Variants in DMD observed in about 807,000 individuals in gnomAD.
The protein encoded by DMD is dystrophin.
In DMD, 63 loss-of-function variants were observed where a neutral mutation model predicts 330.1. That is an observed-to-expected ratio of 0.19 (90% confidence interval 0.16 to 0.24). DMD has a LOEUF of 0.24. Among genes scored for constraint, DMD ranks in the 10% least tolerant of loss-of-function variants. DMD has a pLI of 1.00. For synonymous variants in DMD, 1,223 were observed against 959.8 expected (o/e 1.27, Z -5.07); for missense variants, 3,344 against 2,684.1 (o/e 1.25, Z -5.43).
At position 32,420,654 on chromosome X, in the gene DMD, T is replaced by A. The variant is rs1213077191; in HGVS notation, c.4072-8741A>T. Among the ~76,000 whole-genome samples, 3 of 111,797 alleles carry A rather than the reference T, an allele frequency of 2.7e-5. No homozygotes were observed. In the East Asian group the frequency reaches 8.5e-4, roughly 32 times the overall value. Reference sequence around the variant, plus strand: ...CAGAGTGAAAGAACTTTGGAACTCGTTAGTCCCTCTACTTAGGAATTCAGA... The same window carrying A: ...CAGAGTGAAAGAACTTTGGAACTCGATAGTCCCTCTACTTAGGAATTCAGA... On this transcript the variant is annotated intron_variant, in intron 29 of 78. Transcript: ENST00000357033.
chrX:32,491,306 C>T lies in DMD; in HGVS notation c.2593G>A (p.Ala865Thr). Residue 865 changes from alanine to threonine, a missense_variant, in exon 20 of 79, where the codon GCA becomes ACA. Ala to Thr is a moderately conservative substitution (Grantham distance 58). Transcript: ENST00000357033. Reference protein sequence around the residue: ...IQPTTPSEPTAIKSQLKICKD... With the variant: ...IQPTTPSEPTTIKSQLKICKD... Reference sequence around the variant, plus strand: ...CAAATTTTTAACTGACTTTTAATTGCTGTTGGCTCTGATGGGGTGGTGGGT... The same window carrying T: ...CAAATTTTTAACTGACTTTTAATTGTTGTTGGCTCTGATGGGGTGGTGGGT... 8.3e-7 allele frequency: 1 copy of T among 1,211,349 alleles called. No individual in the cohort carries two copies. Among genetic ancestry groups the T allele is most frequent in the Non-Finnish European group, 1.1e-6 (1 of 895,295 alleles).
intron 44 of DMD, among the ~76,000 whole-genome samples, chrX:32,137,218 T>C (rs186736001): frequency 1.8e-5 from 2 of 111,472 alleles, no homozygotes; most frequent in African/African-American, 6.5e-5. Context: ...CCCACCTGAT[T>C]TGTGTATGCC....
At chrX:31,559,486 C>T (rs2075056799) in intron 55 of DMD, among the ~76,000 whole-genome samples, 1 of 89,306 alleles carries the variant, frequency 1.1e-5, no homozygotes, top group African/African-American at 4.8e-5. Flanking sequence ...ACTAAAAATA[C>T]AAAAATTAGC....
At chrX:31,463,560 T>C (rs920411146) in intron 59 of DMD, among the ~76,000 whole-genome samples, 1 of 112,135 alleles carries the variant, frequency 8.9e-6, no homozygotes, top group Non-Finnish European at 1.9e-5. Flanking sequence ...ATTTCCTGTT[T>C]TACTGAACGG....
intron 1 of DMD, among the ~76,000 whole-genome samples, chrX:33,042,712 A>G (rs2094321619): frequency 8.9e-6 from 1 of 111,950 alleles, no homozygotes; most frequent in Admixed American, 9.5e-5. Context: ...CTGTTGCTCT[A>G]ATTATTTGAG....
chrX:33,016,633 T>C (rs1197243509), intron 2 of DMD, among the ~76,000 whole-genome samples: 7 of 111,662 alleles, frequency 6.3e-5, no homozygotes, highest in African/African-American at 1.9e-4. Flanking sequence ...GCATACTATG[T>C]TGGAAAAAAA....
At chrX:31,134,424 T>TC (rs2034932059) in intron 76 of DMD, among the ~76,000 whole-genome samples, 1 of 8,856 alleles carries the variant, frequency 1.1e-4, no homozygotes, top group Non-Finnish European at 3.3e-4. Context: ...TGTATATCTT[T>TC]TTTTTTTTTT....
Position 32,342,120 on chromosome X carries a change from T to G in DMD, c.5902A>C (p.Arg1968=), listed in dbSNP as rs1455256105. 8.3e-7 allele frequency: 1 copy of G among 1,208,069 alleles called. No homozygotes were observed. The highest frequency in any genetic ancestry group is 1.1e-6 in the Non-Finnish European group (1 of 894,006). ...EIESKFAQFR[R]LNFAQIHTVR... The stretch of plus-strand genomic sequence containing the variant: ...CTCACAATTTGTGCAAAGTTGAGTC[T>G]TCGAAACTGAGCAAATTTGCTCTCA... Residue 1968 remains arginine (R), a synonymous_variant, in exon 41 of 79, where the codon AGA becomes CGA. Coordinates refer to ENST00000357033, the MANE Select transcript of DMD (RefSeq NM_004006.3).
intron 1 of DMD, among the ~76,000 whole-genome samples, chrX:33,247,249 C>T (rs969145577): frequency 4.5e-5 from 5 of 111,265 alleles, no homozygotes; most frequent in African/African-American, 9.8e-5. Context: ...AAATCCTATC[C>T]GTCACATCCA....
At chrX:32,390,884 T>G (rs1386321653) in intron 30 of DMD, among the ~76,000 whole-genome samples, 2 of 111,677 alleles carry the variant, frequency 1.8e-5, no homozygotes, top group East Asian at 5.6e-4. Flanking sequence ...GCTATGAATC[T>G]AAGAAATGGA....
chrX:32,207,410 G>A (rs1410686102), intron 44 of DMD, among the ~76,000 whole-genome samples: 3 of 111,613 alleles, frequency 2.7e-5, no homozygotes, highest in African/African-American at 9.8e-5. Context: ...CTAGTCTCCA[G>A]AACTGTGAGC....
chrX:31,286,753 G>A (rs958944410), intron 62 of DMD, among the ~76,000 whole-genome samples: 16 of 112,053 alleles, frequency 1.4e-4, no homozygotes, highest in Non-Finnish European at 3.0e-4. Context: ...CTTTCTACAC[G>A]TTTTTTCTTT....
At chrX:32,772,121 T>G (rs1269679143) in intron 7 of DMD, among the ~76,000 whole-genome samples, 1 of 112,297 alleles carries the variant, frequency 8.9e-6, no homozygotes, top group Non-Finnish European at 1.9e-5. Context: ...AAATGGTAAA[T>G]CACTAGCTAT....
intron 47 of DMD, among the ~76,000 whole-genome samples, chrX:31,880,208 TAGTA>T (rs748739519): frequency 4.6e-4 from 52 of 111,936 alleles, no homozygotes; most frequent in Non-Finnish European, 8.1e-4. Context: ...AGCATAAAAA[TAGTA>T]AGAAGAACTG....
chrX:32,726,335 A>C (rs938531359), intron 7 of DMD, among the ~76,000 whole-genome samples: 1 of 111,505 alleles, frequency 9.0e-6, no homozygotes, highest in African/African-American at 3.2e-5. Flanking sequence ...ATAGTATTTT[A>C]AAAACACACA....
intron 1 of DMD, among the ~76,000 whole-genome samples, chrX:33,056,939 T>C (rs2094525056): frequency 9.0e-6 from 1 of 111,504 alleles, no homozygotes; most frequent in Admixed American, 9.6e-5. Context: ...ATTTCTTCTT[T>C]CTCGTTCTCT....
intron 44 of DMD, among the ~76,000 whole-genome samples, chrX:32,085,627 T>TAC (rs1557121483): frequency 7.7e-5 from 5 of 64,983 alleles, no homozygotes; most frequent in African/African-American, 2.8e-4. Flanking sequence ...CGTATATATA[T>TAC]ACACATATAT....
At chrX:33,069,759 T>C (rs757894568) in intron 1 of DMD, among the ~76,000 whole-genome samples, 1 of 111,856 alleles carries the variant, frequency 8.9e-6, no homozygotes, top group East Asian at 2.8e-4. Context: ...AGTTTTGCTC[T>C]GGGCTAAGTA....
At chrX:32,303,378 G>A (rs186207131) in intron 42 of DMD, among the ~76,000 whole-genome samples, 1 of 110,570 alleles carries the variant, frequency 9.0e-6, no homozygotes, top group Admixed American at 9.6e-5. Context: ...TACAGTGGTG[G>A]AGGAAAAAAA....
Sources: gnomAD v4.1 joint callset for allele counts (sites outside exome capture counted in the v4.1 genomes callset) on GRCh38, gnomAD v4.1.1 for gene constraint, MANE v1.5 for transcripts, NCBI Gene and HGNC (gene_info 2026-07-23, HGNC 2026-07-21) for gene names.